The following ELF2 variants were observed in gnomAD, a reference collection of about 807,000 sequenced individuals.
ELF2 encodes the protein E74 like ETS transcription factor 2, also known as ETS-related transcription factor Elf-2.
Under a neutral mutation model 54.8 loss-of-function variants are expected in ELF2, and 11 were observed. That is an observed-to-expected ratio of 0.20 (90% CI 0.13 to 0.33). ELF2 has a LOEUF of 0.33. Among genes scored for constraint, ELF2 ranks in the 10% least tolerant of loss-of-function variants. The pLI, the probability that ELF2 is intolerant of heterozygous loss-of-function variation, is 1.00. For missense variants in ELF2, 513 were observed against 703.0 expected, an observed-to-expected ratio of 0.73 and a Z score of 3.06; for synonymous variants, 203 against 245.1, an observed-to-expected ratio of 0.83 and a Z score of 1.61.
At chr4:139,116,718 G>A in intron 4 of ELF2, 4 of 985,384 alleles carry the variant, frequency 4.1e-6, no homozygotes, top group Non-Finnish European at 4.8e-6. Flanking sequence ...CTCGTTTTCA[G>A]ATCCCCAGTT....
At chr4:139,113,498 T>C (rs763018280) in intron 4 of ELF2, among the ~76,000 whole-genome samples, 2 of 151,854 alleles carry the variant, frequency 1.3e-5, no homozygotes, top group Non-Finnish European at 2.9e-5. Context: ...GAGGCAGAGT[T>C]TGCAGTGAGC....
chr4:139,176,550 T>A (rs943464182), intron 1 of ELF2, among the ~76,000 whole-genome samples: 2 of 151,730 alleles, frequency 1.3e-5, no homozygotes, highest in African/African-American at 4.8e-5. Flanking sequence ...CGCCCTGGCC[T>A]CCCCGCGGGA....
intron 1 of ELF2, among the ~76,000 whole-genome samples, chr4:139,156,899 G>C (rs560500009): frequency 6.6e-6 from 1 of 152,198 alleles, no homozygotes; most frequent in South Asian, 2.1e-4. Flanking sequence ...CTCCCAAAGC[G>C]CTGGGATTTC....
chr4:139,137,993 C>T (rs1017660414), intron 2 of ELF2, 126 bp from the exon 3 acceptor site: 33 of 622,982 alleles, frequency 5.3e-5, no homozygotes, highest in Non-Finnish European at 4.6e-5. Flanking sequence ...TTAACATCCC[C>T]GTGTCAAAAG....
intron 8 of ELF2, among the ~76,000 whole-genome samples, chr4:139,061,423 A>G (rs943260962): frequency 1.3e-4 from 19 of 151,796 alleles, no homozygotes; most frequent in African/African-American, 2.2e-4. Context: ...GATCCACCCA[A>G]CTCAGCCTCC....
chr4:139,146,080 C>A (rs72931842), intron 1 of ELF2, among the ~76,000 whole-genome samples: 3,013 of 152,266 alleles, frequency 0.02, 38 homozygotes, highest in African/African-American at 0.04. Context: ...AACAGGAAGT[C>A]AAACTATCGC....
intron 4 of ELF2, among the ~76,000 whole-genome samples, chr4:139,099,701 C>T (rs1733674447): frequency 6.6e-6 from 1 of 152,214 alleles, no homozygotes; most frequent in South Asian, 2.1e-4. Flanking sequence ...ATTAACCTCA[C>T]ATTAATGCCA....
At chr4:139,107,939 G>A (rs1408673321) in intron 4 of ELF2, among the ~76,000 whole-genome samples, 2 of 151,830 alleles carry the variant, frequency 1.3e-5, no homozygotes, top group Admixed American at 6.6e-5. Flanking sequence ...TTACCAAGTT[G>A]TGGAAGCTAG....
At chr4:139,094,866 G>C (rs543486426) in intron 4 of ELF2, among the ~76,000 whole-genome samples, 3 of 151,998 alleles carry the variant, frequency 2.0e-5, no homozygotes, top group African/African-American at 7.2e-5. Context: ...CTAGTAAAGG[G>C]TGTTTTGTTT....
intron 2 of ELF2, among the ~76,000 whole-genome samples, chr4:139,138,735 T>C (rs1196051216): frequency 2.0e-5 from 3 of 152,228 alleles, no homozygotes; most frequent in Non-Finnish European, 2.9e-5. Context: ...GAATTGCTTA[T>C]ATTTTCAAAT....
upstream of ELF2, among the ~76,000 whole-genome samples, chr4:139,177,420 C>A (rs1743088146): frequency 6.6e-6 from 1 of 151,932 alleles, no homozygotes; most frequent in African/African-American, 2.4e-5. Context: ...CAAACGCGGG[C>A]CGGCTATTTA....
intron 4 of ELF2, 140 bp downstream of exon 4, chr4:139,125,024 C>T (rs2148835485): frequency 1.0e-5 from 10 of 990,770 alleles, no homozygotes; most frequent in African/African-American, 9.9e-5. Context: ...TTCCCTTAAA[C>T]ATAGATGTTT....
intron 3 of ELF2, among the ~76,000 whole-genome samples, chr4:139,129,416 A>G (rs1737272241): frequency 1.3e-5 from 2 of 152,148 alleles, no homozygotes; most frequent in Non-Finnish European, 2.9e-5. Context: ...GATAATGACT[A>G]AGTATTTGTC....
chr4:139,131,849 A>C (rs1737521223), intron 3 of ELF2, among the ~76,000 whole-genome samples: 2 of 152,064 alleles, frequency 1.3e-5, no homozygotes, highest in Admixed American at 1.3e-4. Flanking sequence ...ACAAACATCC[A>C]TACAATGAGA....
chr4:139,133,605 C>A (rs555793200), intron 3 of ELF2, among the ~76,000 whole-genome samples: 20 of 150,272 alleles, frequency 1.3e-4, no homozygotes, highest in Non-Finnish European at 2.8e-4. Context: ...GTATAGAAGT[C>A]TTTTATATAT....
intron 4 of ELF2, among the ~76,000 whole-genome samples, chr4:139,115,862 G>A (rs996989839): frequency 1.3e-5 from 2 of 152,040 alleles, no homozygotes; most frequent in Non-Finnish European, 2.9e-5. Context: ...TTTGTTTTTT[G>A]AGACGGAGTC....
intron 4 of ELF2, among the ~76,000 whole-genome samples, chr4:139,074,092 C>T (rs375355042): frequency 6.6e-6 from 1 of 152,152 alleles, no homozygotes; most frequent in Non-Finnish European, 1.5e-5. Context: ...CGCACCACTG[C>T]GCTCCAGCCT....
In ELF2 at chr4:139,109,926, C is replaced by T. The variant is rs553891110; in HGVS notation, c.238+15238G>A. On this transcript the variant is annotated intron_variant, in intron 4 of 9. Transcript: ENST00000686138. ...TGATGGGATCAATAGAAGCCCAAAC[C>T]TCAGCATCATGCAGTATACTCTCGT... is the stretch of plus-strand genomic sequence containing the variant. Among the ~76,000 whole-genome samples the T allele has an allele frequency of 1.5e-3, 224 of 152,242 alleles. 3 individuals are homozygous for T. The highest frequency in any genetic ancestry group is 5.1e-3 in the African/African-American group (212 of 41,542).
intron 3 of ELF2, among the ~76,000 whole-genome samples, chr4:139,130,209 T>C (rs754859887): frequency 7.9e-5 from 12 of 151,296 alleles, no homozygotes; most frequent in Non-Finnish European, 1.6e-4. Flanking sequence ...AGATTCTCCC[T>C]CCTAGCCCTC....
Sources: gnomAD v4.1 joint callset for allele counts (sites outside exome capture counted in the v4.1 genomes callset) on GRCh38, gnomAD v4.1.1 for gene constraint, MANE v1.5 for transcripts, NCBI Gene and HGNC (gene_info 2026-07-23, HGNC 2026-07-21) for gene names.